Variants in DAPK1 observed in about 807,000 individuals in gnomAD.
DAPK1 encodes death associated protein kinase 1, also known as death-associated protein kinase 1.
In DAPK1, 56 loss-of-function variants were observed where a neutral mutation model predicts 144.9. The ratio of observed to expected loss-of-function variants is 0.39; its 90% confidence interval spans 0.31 to 0.48. The LOEUF is 0.48. DAPK1 is among the 20% of genes least tolerant of loss of function. The pLI is 0.95. For missense variants in DAPK1, 1,454 were observed against 1,875.4 expected (o/e 0.78, Z 4.15); for synonymous variants, 690 against 749.0 (o/e 0.92, Z 1.29).
chr9:87,502,288 A>G lies in DAPK1; in HGVS notation c.62+3149A>G, dbSNP rs904847938. ...AGTCCCTGCAGCAGATGCACTTGTT[A>G]TCTTTAGAAGGGTGCTTGGTGGCCT... On this transcript the variant is annotated intron_variant, in intron 2 of 25. Coordinates refer to ENST00000408954, the MANE Select transcript of DAPK1 (RefSeq NM_004938.4). 3.6e-4 allele frequency among the ~76,000 whole-genome samples: 54 copies of G among 152,014 alleles called. 1 individual carries two copies. Among genetic ancestry groups the G allele is most frequent in the African/African-American group, 1.3e-3 (53 of 41,386 alleles).
chr9:87,647,371 G>C lies in DAPK1; in HGVS notation c.1297G>C (p.Glu433Gln). The C allele has an allele frequency of 4.3e-6, 7 of 1,614,180 alleles. No individual in the cohort carries two copies. The highest frequency in any genetic ancestry group is 5.9e-6 in the Non-Finnish European group (7 of 1,180,024). Residue 433 changes from glutamate to glutamine, a missense_variant, in exon 14 of 26, where the codon GAG (glutamate) becomes CAG (glutamine). Transcript: ENST00000408954. ...GHVDTLKFLS[E>Q]NKCPLDVKDK... is the part of the protein sequence containing the mutation. ...CGTCGATACCTTGAAATTTCTCAGT[G>C]AGAACAAATGCCCTTTGGATGTGAA... is the stretch of plus-strand genomic sequence containing the variant.
chr9:87,624,601 G>A (rs779362493), intron 3 of DAPK1, among the ~76,000 whole-genome samples: 74 of 152,326 alleles, frequency 4.9e-4, no homozygotes, highest in Admixed American at 2.6e-4. Flanking sequence ...GAAAGGTTAA[G>A]TGTCTTCCCC....
At position 87,579,885 on chromosome 9, in the gene DAPK1, C is replaced by T. The variant is rs192261040; in HGVS notation, c.63-25069C>T. On this transcript the variant is annotated intron_variant, in intron 2 of 25. Transcript: ENST00000408954. ...AATGTATTAAGTAGTATTATCCAAC[C>T]TACTACTAGGAAGTAACCACTTGTG... Among the ~76,000 whole-genome samples the T allele has an allele frequency of 2.4e-3, 361 of 152,242 alleles. 1 individual carries two copies. The highest frequency in any genetic ancestry group is 7.0e-3 in the Admixed American group (107 of 15,300).
intron 25 of DAPK1, 47 bp downstream of exon 25, chr9:87,703,264 A>T: frequency 8.9e-7 from 1 of 1,118,052 alleles, no homozygotes; most frequent in Non-Finnish European, 1.3e-6. Flanking sequence ...GGTGCCAGGG[A>T]CTCAGCCTGT....
At chr9:87,675,595 G>A (rs1470089100) in intron 19 of DAPK1, among the ~76,000 whole-genome samples, 3 of 152,024 alleles carry the variant, frequency 2.0e-5, no homozygotes, top group Non-Finnish European at 4.4e-5. Context: ...AGTGCAGGCA[G>A]GTGTGAGATC....
intron 2 of DAPK1, among the ~76,000 whole-genome samples, chr9:87,597,418 T>C (rs1474010034): frequency 6.6e-6 from 1 of 151,926 alleles, no homozygotes; most frequent in East Asian, 1.9e-4. Context: ...GGGGGGAAAA[T>C]GTAGAGACTT....
intron 3 of DAPK1, among the ~76,000 whole-genome samples, chr9:87,631,437 A>G (rs575270624): frequency 6.6e-6 from 1 of 152,276 alleles, no homozygotes; most frequent in South Asian, 2.1e-4. Context: ...GGTGGTAGTA[A>G]AAGACATGTT....
intron 2 of DAPK1, among the ~76,000 whole-genome samples, chr9:87,549,014 G>C (rs1229806628): frequency 6.9e-6 from 1 of 144,824 alleles, no homozygotes; most frequent in Non-Finnish European, 1.5e-5. Flanking sequence ...TGTGTGCCAT[G>C]GTGGTTTGCT....
intron 2 of DAPK1, among the ~76,000 whole-genome samples, chr9:87,533,814 C>T (rs1825776126): frequency 2.0e-5 from 3 of 152,212 alleles, no homozygotes; most frequent in African/African-American, 7.2e-5. Flanking sequence ...AGGCATATGC[C>T]TCCATGCCCG....
chr9:87,661,113 C>T (rs1214288977), intron 18 of DAPK1, among the ~76,000 whole-genome samples: 1 of 152,238 alleles, frequency 6.6e-6, no homozygotes, highest in Non-Finnish European at 1.5e-5. Context: ...GCTGGGATTA[C>T]AGGCGTGAGC....
intron 2 of DAPK1, among the ~76,000 whole-genome samples, chr9:87,557,575 C>T (rs1203277997): frequency 6.6e-6 from 1 of 151,902 alleles, no homozygotes; most frequent in Middle Eastern, 3.4e-3. Flanking sequence ...TCTTACAGAA[C>T]CCCCCTCCTG....
intron 2 of DAPK1, among the ~76,000 whole-genome samples, chr9:87,515,365 T>G (rs36229266): frequency 6.6e-6 from 1 of 152,158 alleles, no homozygotes; most frequent in Non-Finnish European, 1.5e-5. Flanking sequence ...TGCTCTGTTT[T>G]ATTGATGAAT....
At chr9:87,503,216 A>T (rs1824472518) in intron 2 of DAPK1, among the ~76,000 whole-genome samples, 1 of 151,724 alleles carries the variant, frequency 6.6e-6, no homozygotes, top group Non-Finnish European at 1.5e-5. Flanking sequence ...TGTGTCTAAA[A>T]TATATATATA....
rs1293609912 is a variant in DAPK1 at position 87,698,696 on chromosome 9, G to T, written c.2652G>T (p.Leu884=). The T allele has an allele frequency of 6.2e-7, 1 of 1,601,902 alleles. No homozygotes were observed. The highest frequency in any genetic ancestry group is 8.6e-7 in the Non-Finnish European group (1 of 1,168,960). ...GKLKNPLQVV[L]VATHADIMNV... ...TGAAGAACCCACTCCAAGTTGTCCT[G>T]GTGGCCACCCACGCTGACATCATGA... Residue 884 remains leucine (L), a synonymous_variant, in exon 23 of 26, where the codon CTG becomes CTT. Transcript: ENST00000408954.
chr9:87,526,702 C>A (rs530042632), intron 2 of DAPK1, among the ~76,000 whole-genome samples: 63 of 152,230 alleles, frequency 4.1e-4, no homozygotes, highest in Non-Finnish European at 6.6e-4. Flanking sequence ...CCCAAGTCAT[C>A]CTGTATAATT....
chr9:87,594,124 A>T (rs1483758259), intron 2 of DAPK1, among the ~76,000 whole-genome samples: 1 of 152,184 alleles, frequency 6.6e-6, no homozygotes, highest in African/African-American at 2.4e-5. Flanking sequence ...TATGATTCTG[A>T]TGTAGGGTTT....
chr9:87,508,446 C>G lies in DAPK1; in HGVS notation c.62+9307C>G, dbSNP rs578046914. On this transcript the variant is annotated intron_variant, in intron 2 of 25. Transcript: ENST00000408954. ...CAACCTCCACCTCCCGGGTTCACGC[C>G]ATTCTCCTGCCTCAGCCTCCCGAGT... Among the ~76,000 whole-genome samples the G allele has an allele frequency of 1.9e-3, 280 of 149,014 alleles. 2 individuals carry two copies. Among genetic ancestry groups the G allele is most frequent in the African/African-American group, 6.1e-3 (246 of 40,450 alleles).
intron 19 of DAPK1, among the ~76,000 whole-genome samples, chr9:87,677,444 A>G (rs777240103): frequency 6.6e-6 from 1 of 152,192 alleles, no homozygotes. Context: ...AGCTTGCCCC[A>G]TTCCTGCAGA....
rs528592758 is a variant in DAPK1 at position 87,568,612 on chromosome 9, C to T, written c.63-36342C>T. Among the ~76,000 whole-genome samples, 10 of 152,310 alleles carry T rather than the reference C, an allele frequency of 6.6e-5. No homozygotes were observed. The South Asian group carries it at 1.0e-3, about 16-fold the overall frequency. On this transcript the variant is annotated intron_variant, in intron 2 of 25. Coordinates refer to ENST00000408954, the MANE Select transcript of DAPK1 (RefSeq NM_004938.4). ...TGGGATGCAGTGTGGGTGGCGTCACCTTGCAGCCTGACCGTGCCTCCTCCG... is the reference window on the plus strand; with the variant it reads ...TGGGATGCAGTGTGGGTGGCGTCACTTTGCAGCCTGACCGTGCCTCCTCCG...
Sources: gnomAD v4.1 joint callset for allele counts (sites outside exome capture counted in the v4.1 genomes callset) on GRCh38, gnomAD v4.1.1 for gene constraint, MANE v1.5 for transcripts, NCBI Gene and HGNC (gene_info 2026-07-23, HGNC 2026-07-21) for gene names.